HDAC9: variants seen among roughly 807,000 people sequenced by gnomAD.
HDAC9 encodes the protein MEF-2 interacting transcription repressor (MITR) protein.
HDAC9 carries 41 observed loss-of-function variants against 139.4 expected under a neutral mutation model. The ratio of observed to expected loss-of-function variants is 0.29; its 90% CI spans 0.23 to 0.38. The LOEUF (loss-of-function observed/expected upper bound fraction) is 0.38. Ranked by LOEUF, HDAC9 falls within the 10% of genes least tolerant of loss-of-function variation. The pLI is 1.00. For missense variants in HDAC9, 1,147 were observed against 1,297.0 expected (o/e 0.88, Z 1.78); for synonymous variants, 517 against 476.2 (o/e 1.09, Z -1.12).
chr7:18,814,263 T>C (rs1272307672), intron 17 of HDAC9, among the ~76,000 whole-genome samples: 1 of 152,178 alleles, frequency 6.6e-6, no homozygotes, highest in Admixed American at 6.5e-5. Flanking sequence ...AATTATAGTC[T>C]TTAGCATTTA....
intron 4 of HDAC9, 39 bp downstream of exon 4, chr7:18,590,525 C>T (rs753771825): frequency 3.9e-5 from 61 of 1,552,894 alleles, no homozygotes; most frequent in Admixed American, 7.8e-5. Flanking sequence ...TCTCTTTCCT[C>T]ATCGTTAGCT....
chr7:18,546,673 G>T (rs1294280917), intron 2 of HDAC9, among the ~76,000 whole-genome samples: 1 of 152,092 alleles, frequency 6.6e-6, no homozygotes, highest in African/African-American at 2.4e-5. Flanking sequence ...TGATGGGGTG[G>T]TATTTTCCCT....
Position 19,000,067 on chromosome 7 carries a change from T to C in HDAC9, c.*4005T>C, listed in dbSNP as rs1167666367. The C allele has an allele frequency of 6.6e-6, 1 of 152,222 alleles. No individual in the cohort carries two copies. The highest frequency in any genetic ancestry group is 1.9e-4 in the East Asian group (1 of 5,190). The allele number at this position is 152,222 out of a possible 1,614,324, so 9.4% of individuals were successfully genotyped here. ...AAAAAACAACACACCTGTTGAACTA[T>C]TTTCATAAAGATGGCGTTTTCACTT... On this transcript the variant is annotated 3_prime_UTR_variant, in exon 26 of 26. Coordinates refer to ENST00000686413, the MANE Select transcript of HDAC9 (RefSeq NM_178425.4).
At chr7:18,296,177 T>C (rs536756171) in intron 1 of HDAC9, among the ~76,000 whole-genome samples, 6 of 152,288 alleles carry the variant, frequency 3.9e-5, no homozygotes, top group African/African-American at 1.4e-4. Context: ...TTCAATAGAA[T>C]TTATTTATGT....
chr7:18,752,119 TGCCGTGAAAAA>T (rs2129149008), intron 14 of HDAC9, among the ~76,000 whole-genome samples: 10 of 152,196 alleles, frequency 6.6e-5, no homozygotes, highest in Admixed American at 5.2e-4. Context: ...TATTTTCGAA[TGCCGTGAAAAA>T]TACAACACAA....
intron 1 of HDAC9, among the ~76,000 whole-genome samples, chr7:18,424,206 A>G (rs1789903360): frequency 6.6e-6 from 1 of 152,222 alleles, no homozygotes; most frequent in Non-Finnish European, 1.5e-5. Context: ...CTTGGCAATC[A>G]ACTGAGTTAT....
intron 17 of HDAC9, among the ~76,000 whole-genome samples, chr7:18,820,671 T>C (rs1794896362): frequency 6.6e-6 from 1 of 152,168 alleles, no homozygotes; most frequent in African/African-American, 2.4e-5. Context: ...CATAAATCTA[T>C]TTTATCATCC....
chr7:18,202,052 C>G lies in HDAC9; in HGVS notation c.25+39703C>G, dbSNP rs563746449. On this transcript the variant is annotated intron_variant, in intron 2 of 12. Transcript: ENST00000417496. ...AAAGTTGGGAAAGACTTTTACCTCTCTGTTTACATCTTTGTTTAAGCTCTA... is the reference window on the plus strand; with the variant it reads ...AAAGTTGGGAAAGACTTTTACCTCTGTGTTTACATCTTTGTTTAAGCTCTA... Among the ~76,000 whole-genome samples the G allele has an allele frequency of 2.0e-5, 3 of 152,338 alleles. No individual in the cohort carries two copies. The East Asian group carries it at 5.8e-4, about 29-fold the overall frequency.
intron 1 of HDAC9, among the ~76,000 whole-genome samples, chr7:18,128,445 T>C (rs1449139325): frequency 6.6e-6 from 1 of 152,110 alleles, no homozygotes; most frequent in Non-Finnish European, 1.5e-5. Context: ...AGGGGTGGGA[T>C]TGAATGATAG....
At chr7:18,687,501 C>G (rs1782357204) in intron 12 of HDAC9, among the ~76,000 whole-genome samples, 1 of 151,880 alleles carries the variant, frequency 6.6e-6, no homozygotes, top group East Asian at 1.9e-4. Context: ...TAAATAACAT[C>G]TATACTTTTC....
At chr7:18,341,920 G>C (rs894104355) in intron 1 of HDAC9, among the ~76,000 whole-genome samples, 6 of 151,702 alleles carry the variant, frequency 4.0e-5, no homozygotes, top group African/African-American at 1.2e-4. Flanking sequence ...GTTCCAGTCA[G>C]GCATGACTAG....
chr7:18,327,382 A>G (rs1800542696), intron 1 of HDAC9: 1 of 151,956 alleles, frequency 6.6e-6, no homozygotes, highest in Non-Finnish European at 1.5e-5. Flanking sequence ...AGTAATAATC[A>G]CATTTTCAGT....
chr7:18,356,363 T>G (rs77102341), intron 1 of HDAC9, among the ~76,000 whole-genome samples: 2 of 137,968 alleles, frequency 1.4e-5, no homozygotes, highest in South Asian at 4.7e-4. Context: ...CATAGGTTTT[T>G]TTTTTTTTTT....
At chr7:18,683,128 G>A (rs527545082) in intron 12 of HDAC9, among the ~76,000 whole-genome samples, 5 of 151,938 alleles carry the variant, frequency 3.3e-5, no homozygotes, top group South Asian at 2.1e-4. Context: ...TACAAAAAAC[G>A]AATAACAATA....
At chr7:18,260,218 T>G (rs1325698233) in intron 2 of HDAC9, among the ~76,000 whole-genome samples, 2 of 152,116 alleles carry the variant, frequency 1.3e-5, no homozygotes, top group African/African-American at 2.4e-5. Flanking sequence ...TAGTCAAAGA[T>G]GATCTATGAC....
chr7:18,288,327 G>C (rs1206104208), upstream of HDAC9, among the ~76,000 whole-genome samples: 1 of 152,080 alleles, frequency 6.6e-6, no homozygotes, highest in Non-Finnish European at 1.5e-5. Context: ...TCTATAATTT[G>C]CCTTGGCATG....
chr7:18,496,496 T>C (rs534120802), intron 2 of HDAC9, 172 bp downstream of exon 2: 13 of 610,532 alleles, frequency 2.1e-5, no homozygotes, highest in East Asian at 1.7e-4. Flanking sequence ...TTACTGTTTC[T>C]GTGCATATTC....
intron 12 of HDAC9, among the ~76,000 whole-genome samples, chr7:18,676,745 G>C (rs1323521822): frequency 3.3e-5 from 5 of 151,440 alleles, no homozygotes; most frequent in African/African-American, 1.2e-4. Context: ...ATCTTAAAAT[G>C]TATATATTTT....
intron 1 of HDAC9, among the ~76,000 whole-genome samples, chr7:18,422,782 C>T (rs1215397079): frequency 6.8e-6 from 1 of 146,840 alleles, no homozygotes; most frequent in African/African-American, 2.6e-5. Flanking sequence ...ACACACACAG[C>T]CACTGCTTAC....
Sources: allele counts gnomAD v4.1 joint callset (sites outside exome capture counted in the v4.1 genomes callset), GRCh38; gene constraint gnomAD v4.1.1; transcripts MANE v1.5; gene names NCBI Gene and HGNC (gene_info 2026-07-23, HGNC 2026-07-21).